C14orf132: variants seen among roughly 807,000 people sequenced by gnomAD.
C14orf132 encodes the protein chromosome 14 open reading frame 132.
Under a neutral mutation model 5.8 loss-of-function variants are expected in C14orf132, and 6 were observed. The ratio of observed to expected loss-of-function variants is 1.03; its 90% confidence interval spans 0.57 to 2.04. C14orf132 has a LOEUF of 2.04. Ranked by LOEUF, C14orf132 falls within the 30% of genes most tolerant of loss-of-function variation. The pLI, the probability that C14orf132 is intolerant of heterozygous loss-of-function variation, is 0.00. For missense variants in C14orf132, 125 were observed against 115.8 expected, an observed-to-expected ratio of 1.08 and a Z score of -0.37; for synonymous variants, 51 against 49.8, an observed-to-expected ratio of 1.02 and a Z score of -0.10.
At chr14:96,044,654 T>C (rs940050371) in intron 1 of C14orf132, among the ~76,000 whole-genome samples, 5 of 151,714 alleles carry the variant, frequency 3.3e-5, no homozygotes, top group Admixed American at 6.6e-5. Context: ...CTGAAGGTGC[T>C]GGGGGTGGGG....
chr14:96,073,052 C>T (rs573187437), intron 1 of C14orf132, among the ~76,000 whole-genome samples: 1 of 152,266 alleles, frequency 6.6e-6, no homozygotes, highest in African/African-American at 2.4e-5. Context: ...TAAGAACTGG[C>T]TAAACTGCTT....
At chr14:96,059,172 C>T (rs914755127) in intron 1 of C14orf132, among the ~76,000 whole-genome samples, 3 of 152,198 alleles carry the variant, frequency 2.0e-5, no homozygotes, top group Non-Finnish European at 4.4e-5. Flanking sequence ...GTAGTCCCAG[C>T]TACTCAGGAG....
At position 96,060,674 on chromosome 14, in the gene C14orf132, C is replaced by T. The variant is rs1299035383; in HGVS notation, c.27+21147C>T. Among the ~76,000 whole-genome samples the T allele has an allele frequency of 3.3e-5, 5 of 152,320 alleles. No homozygotes were observed. The East Asian group carries it at 7.7e-4, about 23-fold the overall frequency. ...TCAGCCACCCCCAATTCCCATGCTG[C>T]ATGCCTGAAAGAGGCAGGAACTTCA... On this transcript the variant is annotated intron_variant, in intron 1 of 1. Transcript: ENST00000555004.
intron 1 of C14orf132, among the ~76,000 whole-genome samples, chr14:96,082,285 C>T (rs905716050): frequency 6.6e-6 from 1 of 152,150 alleles, no homozygotes; most frequent in African/African-American, 2.4e-5. Context: ...TGGAGCTGGT[C>T]GGGTGGGCTT....
intron 1 of C14orf132, among the ~76,000 whole-genome samples, chr14:96,078,869 A>G (rs74872990): frequency 0.22 from 33,359 of 152,108 alleles, 3,975 homozygotes; most frequent in Non-Finnish European, 0.27. Context: ...AAGAGTCCAC[A>G]AATGGGAAAT....
Position 96,092,850 on chromosome 14 carries a change from T to A in C14orf132, c.*6115T>A, listed in dbSNP as rs1193738048. The A allele has an allele frequency of 1.3e-5, 2 of 152,252 alleles. No individual in the cohort carries two copies. The highest frequency in any genetic ancestry group is 2.9e-5 in the Non-Finnish European group (2 of 68,070). The allele number at this position is 152,252 out of a possible 1,614,324, so 9.4% of individuals were successfully genotyped here. The stretch of plus-strand genomic sequence containing the variant: ...CATCAGCAATGTCTGGAGACATTTT[T>A]GATTCTCACAGCTTGGTGGGGACTG... On this transcript the variant is annotated 3_prime_UTR_variant, in exon 2 of 2. Transcript: ENST00000555004.
At chr14:96,070,596 T>TCTCTCTCTCA (rs755530241) in intron 1 of C14orf132, among the ~76,000 whole-genome samples, 2 of 142,664 alleles carry the variant, frequency 1.4e-5, no homozygotes, top group African/African-American at 5.2e-5. Context: ...TCTCTCTCTC[T>TCTCTCTCTCA]CACACACACA....
At chr14:96,073,385 G>A (rs2139672376) in intron 1 of C14orf132, among the ~76,000 whole-genome samples, 1 of 152,252 alleles carries the variant, frequency 6.6e-6, no homozygotes, top group East Asian at 1.9e-4. Context: ...GACATGAACA[G>A]ACACTTCTCA....
intron 1 of C14orf132, among the ~76,000 whole-genome samples, chr14:96,065,811 AC>A (rs1358582938): frequency 6.6e-5 from 10 of 152,144 alleles, no homozygotes; most frequent in Non-Finnish European, 4.4e-5. Context: ...GAGGCTGCTG[AC>A]CCACACAGGG....
chr14:96,050,865 A>C (rs1333848378), intron 1 of C14orf132, among the ~76,000 whole-genome samples: 1 of 151,796 alleles, frequency 6.6e-6, no homozygotes, highest in Non-Finnish European at 1.5e-5. Flanking sequence ...CAGTTGTTTC[A>C]GTTGGGAGGG....
chr14:96,085,234 G>C (rs1169325653), intron 1 of C14orf132, among the ~76,000 whole-genome samples: 1 of 152,226 alleles, frequency 6.6e-6, no homozygotes, highest in East Asian at 1.9e-4. Context: ...GCTCCACACA[G>C]AATACTGTCT....
At position 96,090,483 on chromosome 14, in the gene C14orf132, C is replaced by T. The variant is rs1888356191; in HGVS notation, c.*3748C>T. ...ACCACTGAAGGTCTTTGAGAAGAGG[C>T]CAGACGCCGCTGTAGCCAGGCCTGT... On this transcript the variant is annotated 3_prime_UTR_variant, in exon 2 of 2. Transcript: ENST00000555004. 2.6e-6 allele frequency: 1 copy of T among 384,734 alleles called. No homozygotes were observed. The allele number at this position is 384,734 out of a possible 1,614,324, so 23.8% of individuals were successfully genotyped here.
intron 1 of C14orf132, among the ~76,000 whole-genome samples, chr14:96,049,968 A>G (rs1886983227): frequency 6.6e-6 from 1 of 151,958 alleles, no homozygotes; most frequent in South Asian, 2.1e-4. Context: ...TATCTCTTCC[A>G]TTCTCTTCTT....
intron 1 of C14orf132, among the ~76,000 whole-genome samples, chr14:96,085,633 G>A (rs779935873): frequency 3.3e-5 from 5 of 152,210 alleles, no homozygotes; most frequent in East Asian, 3.8e-4. Context: ...CTCTTCTAGC[G>A]TATTTGTTCC....
rs1888302640 is a variant in C14orf132 at position 96,089,152 on chromosome 14, T to C, written c.*2417T>C. Reference sequence around the variant, plus strand: ...ATGAAGATAGATATGCCCATTAGTGTCTGATTAAGGAGCAAAGGCTGGATT... The same window carrying C: ...ATGAAGATAGATATGCCCATTAGTGCCTGATTAAGGAGCAAAGGCTGGATT... On this transcript the variant is annotated 3_prime_UTR_variant, in exon 2 of 2. Transcript: ENST00000555004. 6.6e-6 allele frequency: 1 copy of C among 152,192 alleles called. No homozygotes were observed. Among genetic ancestry groups the C allele is most frequent in the Admixed American group, 6.5e-5 (1 of 15,270 alleles). 9.4% of individuals were successfully genotyped at this position (152,192 alleles called of 1,614,324 possible).
chr14:96,054,625 T>C (rs1356392689), intron 1 of C14orf132, among the ~76,000 whole-genome samples: 3 of 152,200 alleles, frequency 2.0e-5, no homozygotes, highest in Non-Finnish European at 4.4e-5. Context: ...CAGGGCAGCA[T>C]GGACACCAGG....
rs1888219022 is a variant in C14orf132, at chr14:96,087,035, C to G, written c.*300C>G. 1 of 444,738 alleles carries G rather than the reference C, an allele frequency of 2.2e-6. No homozygotes were observed. Among genetic ancestry groups the G allele is most frequent in the African/African-American group, 2.0e-5 (1 of 50,710 alleles). 27.5% of individuals were successfully genotyped at this position (444,738 alleles called of 1,614,324 possible). The stretch of plus-strand genomic sequence containing the variant: ...AGGAACATGGGACCAGATGAGACAG[C>G]TAGTTAAGTTTAAAACATAGACATG... On this transcript the variant is annotated 3_prime_UTR_variant, in exon 2 of 2. Coordinates refer to ENST00000555004, the MANE Select transcript of C14orf132 (RefSeq NM_001252507.3).
intron 1 of C14orf132, among the ~76,000 whole-genome samples, chr14:96,074,354 A>G (rs1887797369): frequency 6.6e-6 from 1 of 152,108 alleles, no homozygotes; most frequent in Non-Finnish European, 1.5e-5. Flanking sequence ...CATGGAGAAA[A>G]TGTTTTTAAT....
At chr14:96,083,640 C>T (rs958581084) in intron 1 of C14orf132, among the ~76,000 whole-genome samples, 8 of 152,130 alleles carry the variant, frequency 5.3e-5, no homozygotes, top group African/African-American at 2.4e-5. Context: ...GGAATGTGAG[C>T]GGCCTCTAGA....
Sources: allele counts gnomAD v4.1 joint callset (sites outside exome capture counted in the v4.1 genomes callset), GRCh38; gene constraint gnomAD v4.1.1; transcripts MANE v1.5; gene names NCBI Gene and HGNC (gene_info 2026-07-23, HGNC 2026-07-21).